The following SMAP1 variants were observed in gnomAD, a reference collection of about 807,000 sequenced individuals.
The protein encoded by SMAP1 is stromal membrane-associated protein 1.
Under a neutral mutation model 58.5 loss-of-function variants are expected in SMAP1, and 24 were observed. That is an observed-to-expected ratio of 0.41 (90% CI 0.30 to 0.58). The LOEUF is 0.58. Among genes scored for constraint, SMAP1 ranks in the 20% least tolerant of loss-of-function variants. SMAP1 has a pLI of 0.29. For missense variants in SMAP1, 563 were observed against 566.3 expected (o/e 0.99, Z 0.06); for synonymous variants, 216 against 196.6 (o/e 1.10, Z -0.82).
At chr6:70,683,654 C>A (rs529934404) in intron 1 of SMAP1, among the ~76,000 whole-genome samples, 1 of 152,130 alleles carries the variant, frequency 6.6e-6, no homozygotes, top group South Asian at 2.1e-4. Flanking sequence ...CATTCATCTC[C>A]ATATTCCACC....
At chr6:70,695,192 T>C (rs1767349260) in intron 1 of SMAP1, among the ~76,000 whole-genome samples, 3 of 152,214 alleles carry the variant, frequency 2.0e-5, no homozygotes, top group Admixed American at 2.0e-4. Context: ...GTAGGGTCTT[T>C]AGTTTTTTCT....
intron 6 of SMAP1, among the ~76,000 whole-genome samples, chr6:70,800,913 A>G (rs1030436605): frequency 1.3e-5 from 2 of 152,166 alleles, no homozygotes; most frequent in African/African-American, 2.4e-5. Flanking sequence ...AATCCAGTCT[A>G]TCATTGATGG....
At chr6:70,772,800 C>G (rs1489188661) in intron 3 of SMAP1, 1 of 152,238 alleles carries the variant, frequency 6.6e-6, no homozygotes, top group African/African-American at 2.4e-5. Flanking sequence ...ATGATGTGCC[C>G]AGGGACAGCA....
At chr6:70,791,287 A>G (rs539080511) in intron 4 of SMAP1, among the ~76,000 whole-genome samples, 2 of 152,284 alleles carry the variant, frequency 1.3e-5, no homozygotes, top group African/African-American at 4.8e-5. Context: ...GTAAAAACAA[A>G]AACTCATTTT....
chr6:70,692,363 ATATCT>A (rs1453923296), intron 1 of SMAP1, among the ~76,000 whole-genome samples: 4 of 152,112 alleles, frequency 2.6e-5, no homozygotes, highest in African/African-American at 4.8e-5. Context: ...GAGTTTGTAA[ATATCT>A]TATCTTATTT....
At chr6:70,721,105 G>A (rs751762719) in intron 1 of SMAP1, among the ~76,000 whole-genome samples, 11 of 152,114 alleles carry the variant, frequency 7.2e-5, no homozygotes, top group Non-Finnish European at 1.2e-4. Flanking sequence ...TTCTGCAGCC[G>A]GCTTGAATTT....
intron 6 of SMAP1, among the ~76,000 whole-genome samples, chr6:70,817,452 T>G (rs1769687946): frequency 6.6e-6 from 1 of 152,124 alleles, no homozygotes. Context: ...AAATAGAGTC[T>G]TCTTTTCTGC....
intron 1 of SMAP1, among the ~76,000 whole-genome samples, chr6:70,707,229 TA>T (rs1554192079): frequency 2.6e-5 from 4 of 152,230 alleles, no homozygotes; most frequent in Non-Finnish European, 5.9e-5. Flanking sequence ...ACAAAATAAA[TA>T]AACATCATCT....
chr6:70,669,868 CAA>C (rs1045749950), intron 1 of SMAP1, among the ~76,000 whole-genome samples: 4 of 151,754 alleles, frequency 2.6e-5, no homozygotes, highest in Non-Finnish European at 4.4e-5. Context: ...TTTCTGTCTC[CAA>C]AAAAGTACTT....
chr6:70,825,204 A>G (rs1770063400), intron 6 of SMAP1, among the ~76,000 whole-genome samples: 1 of 152,170 alleles, frequency 6.6e-6, no homozygotes, highest in South Asian at 2.1e-4. Context: ...AATTATTACA[A>G]ATTTCAAGAT....
At chr6:70,831,725 C>A (rs975552712) in intron 6 of SMAP1, among the ~76,000 whole-genome samples, 2 of 152,154 alleles carry the variant, frequency 1.3e-5, no homozygotes, top group Non-Finnish European at 2.9e-5. Context: ...CTGCGATGAA[C>A]ATACGTGTGG....
chr6:70,757,211 G>A (rs1401529280), intron 3 of SMAP1, among the ~76,000 whole-genome samples: 1 of 148,904 alleles, frequency 6.7e-6, no homozygotes, highest in African/African-American at 2.5e-5. Context: ...CAGAAATAAC[G>A]CCGCATATCT....
At position 70,751,122 on chromosome 6, in the gene SMAP1, C is replaced by T. The variant is rs141694999; in HGVS notation, c.253-3858C>T. ...GGGCATGGTGGCACGCATCTGTACTCGCAGCTACTTGGGAGGCTGAGGCAG... is the reference window on the plus strand; with the variant it reads ...GGGCATGGTGGCACGCATCTGTACTTGCAGCTACTTGGGAGGCTGAGGCAG... On this transcript the variant is annotated intron_variant, in intron 2 of 10. Transcript: ENST00000370455. Among the ~76,000 whole-genome samples the T allele has an allele frequency of 6.0e-3, 910 of 152,208 alleles. 7 individuals are homozygous for T. Among genetic ancestry groups the T allele is most frequent in the Non-Finnish European group, 8.7e-3 (591 of 68,012 alleles).
intron 1 of SMAP1, among the ~76,000 whole-genome samples, chr6:70,732,070 T>C (rs1329874919): frequency 6.6e-6 from 1 of 152,196 alleles, no homozygotes; most frequent in Non-Finnish European, 1.5e-5. Flanking sequence ...TACAGTAGGG[T>C]ATTATTACTA....
chr6:70,719,364 T>C (rs940125851), intron 1 of SMAP1, among the ~76,000 whole-genome samples: 1 of 152,220 alleles, frequency 6.6e-6, no homozygotes, highest in East Asian at 1.9e-4. Flanking sequence ...TTTCATTTTT[T>C]ATTCATTTTT....
intron 7 of SMAP1, chr6:70,837,681 T>TTTTA: frequency 4.7e-6 from 3 of 636,488 alleles, no homozygotes; most frequent in African/African-American, 2.0e-5. Context: ...TTTTTTTTTT[T>TTTTA]ACATTTTTTT....
At chr6:70,791,515 G>A (rs1430066164) in intron 4 of SMAP1, among the ~76,000 whole-genome samples, 174 bp from the exon 5 acceptor site, 2 of 152,014 alleles carry the variant, frequency 1.3e-5, no homozygotes, top group Non-Finnish European at 2.9e-5. Flanking sequence ...ATTTCAAATT[G>A]AAATTTTTAA....
chr6:70,727,702 G>A (rs1765241918), intron 1 of SMAP1, among the ~76,000 whole-genome samples: 1 of 152,098 alleles, frequency 6.6e-6, no homozygotes, highest in African/African-American at 2.4e-5. Flanking sequence ...CTTAGAATTT[G>A]GGCTCTAAAA....
At chr6:70,856,358 G>A (rs1649271747) in intron 8 of SMAP1, among the ~76,000 whole-genome samples, 1 of 152,172 alleles carries the variant, frequency 6.6e-6, no homozygotes, top group South Asian at 2.1e-4. Flanking sequence ...TAGATTAGAA[G>A]CAGTCTAATA....
Sources: gnomAD v4.1 joint callset for allele counts (sites outside exome capture counted in the v4.1 genomes callset) on GRCh38, gnomAD v4.1.1 for gene constraint, MANE v1.5 for transcripts, NCBI Gene and HGNC (gene_info 2026-07-23, HGNC 2026-07-21) for gene names.